SPRED2: variants seen among roughly 807,000 people sequenced by gnomAD.
The protein encoded by SPRED2 is sprouty related EVH1 domain containing 2.
A neutral mutation model predicts 43.0 loss-of-function variants in SPRED2; 47 were observed. The ratio of observed to expected loss-of-function variants is 1.09; its 90% confidence interval spans 0.87 to 1.40. The LOEUF (loss-of-function observed/expected upper bound fraction) is 1.40, where lower values mean the gene tolerates loss of function less well. Ranked by LOEUF, SPRED2 falls within the 40% of genes most tolerant of loss-of-function variation. SPRED2 has a pLI of 0.00. For synonymous variants in SPRED2, 225 were observed against 225.7 expected (o/e 1.00, Z 0.03); for missense variants, 561 against 586.4 (o/e 0.96, Z 0.45).
intron 5 of SPRED2, among the ~76,000 whole-genome samples, chr2:65,314,864 T>C (rs552922783): frequency 6.6e-6 from 1 of 152,186 alleles, no homozygotes; most frequent in Non-Finnish European, 1.5e-5. Flanking sequence ...CACCATGTCA[T>C]CTGGTGAGAT....
intron 1 of SPRED2, among the ~76,000 whole-genome samples, chr2:65,402,086 T>C (rs1675915265): frequency 6.6e-6 from 1 of 151,444 alleles, no homozygotes; most frequent in South Asian, 2.1e-4. Context: ...GAAAGCAGCC[T>C]GGGCAACATG....
intron 2 of SPRED2, among the ~76,000 whole-genome samples, chr2:65,342,180 T>C (rs1434184280): frequency 6.7e-6 from 1 of 148,364 alleles, no homozygotes; most frequent in Admixed American, 6.8e-5. Flanking sequence ...ATTATGTATG[T>C]ATATTTTATA....
At chr2:65,398,927 C>T (rs533515907) in intron 1 of SPRED2, among the ~76,000 whole-genome samples, 3 of 152,130 alleles carry the variant, frequency 2.0e-5, no homozygotes, top group Non-Finnish European at 4.4e-5. Flanking sequence ...AAGCACAATG[C>T]GCAACTGCAA....
At chr2:65,426,877 A>T (rs1466453960) in intron 1 of SPRED2, among the ~76,000 whole-genome samples, 2 of 152,228 alleles carry the variant, frequency 1.3e-5, no homozygotes, top group Admixed American at 6.5e-5. Context: ...TTAGTTAGAA[A>T]GGAGGTTGCA....
At chr2:65,328,622 T>A (rs1673717176) in intron 4 of SPRED2, among the ~76,000 whole-genome samples, 1 of 152,054 alleles carries the variant, frequency 6.6e-6, no homozygotes, top group Non-Finnish European at 1.5e-5. Context: ...TTCCTTCCCC[T>A]CCCCTTGGGC....
At chr2:65,386,103 G>C (rs1341348475) in intron 1 of SPRED2, among the ~76,000 whole-genome samples, 4 of 150,576 alleles carry the variant, frequency 2.7e-5, no homozygotes, top group Non-Finnish European at 4.4e-5. Flanking sequence ...TGGCCAACAG[G>C]GTGAAACCTC....
At chr2:65,318,805 C>G (rs1458759843) in intron 4 of SPRED2, among the ~76,000 whole-genome samples, 2 of 152,096 alleles carry the variant, frequency 1.3e-5, no homozygotes, top group South Asian at 2.1e-4. Context: ...CACCACCACC[C>G]CTGGCTAATT....
chr2:65,339,845 CAAA>C (rs1342351305), intron 2 of SPRED2, among the ~76,000 whole-genome samples: 2 of 151,476 alleles, frequency 1.3e-5, no homozygotes, highest in Admixed American at 6.6e-5. Context: ...AGTGTAGTAT[CAAA>C]GAAGAATATC....
At chr2:65,423,681 T>C (rs1025093579) in intron 1 of SPRED2, among the ~76,000 whole-genome samples, 1 of 152,162 alleles carries the variant, frequency 6.6e-6, no homozygotes, top group Non-Finnish European at 1.5e-5. Context: ...TATTACATGA[T>C]GGGGGACAGA....
rs1361166793 is a variant in SPRED2 at position 65,332,027 on chromosome 2, A to G, written c.398T>C (p.Ile133Thr). The stretch of plus-strand genomic sequence containing the variant: ...ATCGCCAAGCTCAGCTTCATTATGG[A>G]TGGTGGAAGATGACGTTGTTGAACC... Reference protein sequence around the residue: ...IEGSTTSSSTIHNEAELGDDD... With the variant: ...IEGSTTSSSTTHNEAELGDDD... The change falls in exon 4 of 6, where the codon ATC becomes ACC. Residue 133 changes from isoleucine to threonine, a missense_variant. Around this residue, in one of 6 missense-constraint regions of SPRED2, gnomAD observed 305 missense variants for 282.4 expected, o/e 1.08. Coordinates refer to ENST00000356388, the MANE Select transcript of SPRED2 (RefSeq NM_181784.3). The G allele has an allele frequency of 6.2e-7, 1 of 1,609,502 alleles. No homozygotes were observed. The highest frequency in any genetic ancestry group is 2.2e-5 in the East Asian group (1 of 44,756).
chr2:65,313,423 G>A lies in SPRED2; in HGVS notation c.*78C>T, dbSNP rs1572826088. 4 of 1,525,126 alleles carry A rather than the reference G, an allele frequency of 2.6e-6. No individual in the cohort carries two copies. The highest frequency in any genetic ancestry group is 2.5e-4 in the Middle Eastern group (1 of 4,036). The allele number at this position is 1,525,126 out of a possible 1,614,324, so 94.5% of individuals were successfully genotyped here. A position where few individuals can be genotyped will look rare whatever the true frequency, so the allele number is the denominator to read the frequency against. ...TCCTCGCTCCTTGGAGTGGAAGGGA[G>A]CGGGGGAGAAGATGAGAGTATGTAA... On this transcript the variant is annotated 3_prime_UTR_variant, in exon 6 of 6. Coordinates refer to ENST00000356388, the MANE Select transcript of SPRED2 (RefSeq NM_181784.3).
chr2:65,352,305 G>C (rs1368374503), intron 1 of SPRED2, among the ~76,000 whole-genome samples: 2 of 152,252 alleles, frequency 1.3e-5, no homozygotes, highest in Non-Finnish European at 2.9e-5. Context: ...TTTGCATGAT[G>C]TAAGATGTAC....
intron 1 of SPRED2, among the ~76,000 whole-genome samples, chr2:65,386,789 G>C (rs545531570): frequency 2.6e-5 from 4 of 152,128 alleles, no homozygotes; most frequent in Non-Finnish European, 4.4e-5. Context: ...GGGCATAAAA[G>C]CATCTTTTAA....
Position 65,344,744 on chromosome 2 carries a change from T to C in SPRED2, c.179A>G (p.His60Arg), listed in dbSNP as rs775502965. ...EGNGRSGFLI[H>R]GERQKDKLVV... is the part of the protein sequence containing the mutation. ...CAGTTTGTCTTTCTGTCGTTCACCA[T>C]GGATGAGAAAGCCGCTTCGTCCATT... is the stretch of plus-strand genomic sequence containing the variant. The change falls in exon 2 of 6, where the codon CAT (histidine) becomes CGT (arginine). Residue 60 changes from histidine (H) to arginine (R), a missense_variant. Transcript: ENST00000356388. The C allele has an allele frequency of 1.2e-6, 2 of 1,614,230 alleles. No individual in the cohort carries two copies. Among genetic ancestry groups the C allele is most frequent in the South Asian group, 1.1e-5 (1 of 91,082 alleles).
At chr2:65,366,618 T>C in intron 1 of SPRED2, 3 of 1,553,360 alleles carry the variant, frequency 1.9e-6, no homozygotes, top group South Asian at 1.2e-5. Flanking sequence ...TCCTCTACAT[T>C]GTGGAGCCCG....
chr2:65,426,127 T>A (rs1394519647), intron 1 of SPRED2, among the ~76,000 whole-genome samples: 1 of 152,230 alleles, frequency 6.6e-6, no homozygotes, highest in African/African-American at 2.4e-5. Flanking sequence ...ACAGGCCCTG[T>A]CTTATTGTGG....
At chr2:65,428,509 G>A (rs1046175460) in intron 1 of SPRED2, among the ~76,000 whole-genome samples, 18 of 152,206 alleles carry the variant, frequency 1.2e-4, no homozygotes, top group Admixed American at 3.3e-4. Context: ...TAATAGTATT[G>A]TGGTTTCACA....
At chr2:65,310,436 T>C (rs1234845725), downstream of SPRED2, among the ~76,000 whole-genome samples, 2 of 150,608 alleles carry the variant, frequency 1.3e-5, no homozygotes, top group African/African-American at 2.5e-5. Context: ...AATTGTTTTC[T>C]GCGAGAAATT....
chr2:65,374,532 GT>G (rs1171207521), intron 1 of SPRED2, among the ~76,000 whole-genome samples: 4 of 152,226 alleles, frequency 2.6e-5, no homozygotes, highest in African/African-American at 9.6e-5. Context: ...TTCTGTCACA[GT>G]TAACTTTCTG....
Sources: allele counts gnomAD v4.1 joint callset (sites outside exome capture counted in the v4.1 genomes callset), GRCh38; gene constraint gnomAD v4.1.1; regional missense constraint gnomAD v4.1.1; transcripts MANE v1.5; gene names NCBI Gene and HGNC (gene_info 2026-07-23, HGNC 2026-07-21).